The following MCM9 variants were observed in gnomAD, a reference collection of about 807,000 sequenced individuals.
MCM9 encodes the protein minichromosome maintenance 9 homologous recombination repair factor.
Under a neutral mutation model 72.8 loss-of-function variants are expected in MCM9, and 55 were observed. That is an observed-to-expected ratio of 0.76 (90% CI 0.61 to 0.95). The LOEUF (loss-of-function observed/expected upper bound fraction) is 0.95. Ranked by LOEUF, MCM9 falls within the 40% of genes least tolerant of loss-of-function variation. MCM9 has a pLI of 0.00. For synonymous variants in MCM9, 480 were observed against 503.4 expected (o/e 0.95, Z 0.62); for missense variants, 1,279 against 1,377.0 (o/e 0.93, Z 1.13).
At chr6:118,874,030 G>C (rs1777780152) in intron 8 of MCM9, among the ~76,000 whole-genome samples, 1 of 152,112 alleles carries the variant, frequency 6.6e-6, no homozygotes. Flanking sequence ...AAGGTGGGCG[G>C]ATTGCTTGAG....
intron 8 of MCM9, among the ~76,000 whole-genome samples, chr6:118,899,364 G>A (rs1426964693): frequency 6.6e-6 from 1 of 152,146 alleles, no homozygotes; most frequent in Non-Finnish European, 1.5e-5. Context: ...CATAGGGTTT[G>A]GTGCTTTCCT....
intron 3 of MCM9, among the ~76,000 whole-genome samples, chr6:118,930,345 C>T (rs1782308542): frequency 6.6e-6 from 1 of 152,126 alleles, no homozygotes; most frequent in Non-Finnish European, 1.5e-5. Flanking sequence ...ATTTCCTGAC[C>T]TTGCGATCTG....
intron 13 of MCM9, among the ~76,000 whole-genome samples, chr6:118,821,019 T>C (rs923577200): frequency 2.6e-5 from 4 of 152,182 alleles, no homozygotes; most frequent in African/African-American, 9.7e-5. Flanking sequence ...ATGTGTGTAT[T>C]TGCTCGTGAG....
At chr6:118,934,867 AAGG>A (rs1293806352) in intron 1 of MCM9, 21 bp downstream of exon 1, 1 of 152,408 alleles carries the variant, frequency 6.6e-6, no homozygotes, top group East Asian at 1.9e-4. Context: ...ATAACCGCGA[AAGG>A]AGGAGGCGGC....
intron 8 of MCM9, chr6:118,910,960 G>A (rs750439458): frequency 1.0e-6 from 1 of 985,326 alleles, no homozygotes; most frequent in Non-Finnish European, 1.2e-6. Flanking sequence ...TTTTTAAAAT[G>A]TGTGAAGCCA....
At chr6:118,849,297 G>A (rs1776078544) in intron 9 of MCM9, among the ~76,000 whole-genome samples, 1 of 151,766 alleles carries the variant, frequency 6.6e-6, no homozygotes, top group African/African-American at 2.4e-5. Context: ...AATTACAAGA[G>A]ATGCAAAGAG....
Position 118,931,739 on chromosome 6 carries a change from C to CA in MCM9, c.-15-2_-15-1insT. 6.5e-7 allele frequency: 1 copy of CA among 1,545,194 alleles called. No individual in the cohort carries two copies. Among genetic ancestry groups the CA allele is most frequent in the Non-Finnish European group, 8.7e-7 (1 of 1,146,970 alleles). ...CGCTATTCATCTTGAATCTAGGTAACTAAAGAAAAAAAAAAGGATCATATT... is the reference window on the plus strand; with the variant it reads ...CGCTATTCATCTTGAATCTAGGTAACATAAAGAAAAAAAAAAGGATCATATT... On this transcript the variant is annotated splice_acceptor_variant, in intron 2 of 13. Transcript: ENST00000619706. LOFTEE classifies it low-confidence loss of function (5UTR_SPLICE).
chr6:118,910,663 T>TA (rs1780477183), intron 8 of MCM9: 12 of 985,438 alleles, frequency 1.2e-5, no homozygotes, highest in Non-Finnish European at 1.4e-5. Context: ...CACTGGGTCA[T>TA]ACGGATTTAA....
At position 118,924,327 on chromosome 6, in the gene MCM9, GT is replaced by G. The variant is rs201140569; in HGVS notation, c.305-201del. Among the ~76,000 whole-genome samples, 1,010 of 151,608 alleles carry G rather than the reference GT, an allele frequency of 6.7e-3. 7 individuals carry two copies. The highest frequency in any genetic ancestry group is 0.022 in the African/African-American group (927 of 41,344). The stretch of plus-strand genomic sequence containing the variant: ...ATTGCAAATAACAGTTATCAGTAGA[GT>G]TTTTTTTTAATCCAGATACTGCACA... On this transcript the variant is annotated intron_variant, in intron 3 of 13. Coordinates refer to ENST00000619706, the MANE Select transcript of MCM9 (RefSeq NM_017696.3).
intron 9 of MCM9, among the ~76,000 whole-genome samples, chr6:118,831,697 G>A (rs143754954): frequency 8.5e-5 from 13 of 152,248 alleles, no homozygotes; most frequent in South Asian, 2.1e-4. Context: ...TATACAGTGC[G>A]TAGTAGTGGC....
intron 8 of MCM9, chr6:118,894,324 G>T (rs1779190677): frequency 1.3e-5 from 20 of 1,514,928 alleles, no homozygotes; most frequent in South Asian, 1.1e-4. Context: ...GCGCTGGAGC[G>T]GGGGTCTGCG....
At chr6:118,828,997 G>T (rs1313379287) in intron 10 of MCM9, 51 bp downstream of exon 10, 37 of 1,505,974 alleles carry the variant, frequency 2.5e-5, no homozygotes, top group Non-Finnish European at 3.0e-5. Context: ...ATTTCTTTTA[G>T]TTACAGCTAA....
chr6:118,824,695 A>G (rs1490271704), intron 13 of MCM9, among the ~76,000 whole-genome samples: 4 of 152,226 alleles, frequency 2.6e-5, no homozygotes, highest in African/African-American at 9.6e-5. Flanking sequence ...TGATAAAACT[A>G]TAAATGGTTT....
chr6:118,889,639 G>A (rs1443624030), intron 8 of MCM9, among the ~76,000 whole-genome samples: 4 of 152,068 alleles, frequency 2.6e-5, no homozygotes, highest in East Asian at 1.9e-4. Context: ...ATTGATAAGA[G>A]GACTAAGAAG....
chr6:118,916,970 G>T (rs932798492), intron 6 of MCM9, among the ~76,000 whole-genome samples: 1 of 152,172 alleles, frequency 6.6e-6, no homozygotes, highest in Non-Finnish European at 1.5e-5. Context: ...ACAGGCACTT[G>T]AAGATTTAAT....
intron 9 of MCM9, 23 bp downstream of exon 9, chr6:118,856,348 A>G: frequency 6.6e-7 from 1 of 1,523,822 alleles, no homozygotes; most frequent in Non-Finnish European, 8.8e-7. Context: ...CATTATTCCC[A>G]TAGATTTTAA....
chr6:118,828,995 T>C, intron 10 of MCM9, 53 bp downstream of exon 10: 1 of 1,494,822 alleles, frequency 6.7e-7, no homozygotes, highest in East Asian at 2.5e-5. Flanking sequence ...GAATTTCTTT[T>C]AGTTACAGCT....
chr6:118,926,557 A>G (rs1781910854), intron 3 of MCM9, among the ~76,000 whole-genome samples: 1 of 152,204 alleles, frequency 6.6e-6, no homozygotes, highest in Non-Finnish European at 1.5e-5. Flanking sequence ...ATCTGGCTTT[A>G]TTTACTTAGA....
In MCM9 at chr6:118,856,509, C is replaced by A. The variant is rs1443169294; in HGVS notation, c.1187G>T (p.Trp396Leu). The A allele has an allele frequency of 6.5e-7, 1 of 1,535,634 alleles. No individual in the cohort carries two copies. Among genetic ancestry groups the A allele is most frequent in the Non-Finnish European group, 8.7e-7 (1 of 1,146,894 alleles). ...TVTAVKDSGE[W>L]NLEAGALVLA... ...AACTAATGCCCCAGCCTCCAAATTC[C>A]ATTCTCCTGAGTCTTTTACAGCAGT... Residue 396 changes from tryptophan (W) to leucine (L), a missense_variant, in exon 9 of 14, where the codon TGG becomes TTG. Physicochemically the swap from Trp to Leu is moderately conservative, Grantham distance 61. Coordinates refer to ENST00000619706, the MANE Select transcript of MCM9 (RefSeq NM_017696.3).
Sources: allele counts gnomAD v4.1 joint callset (sites outside exome capture counted in the v4.1 genomes callset), GRCh38; gene constraint gnomAD v4.1.1; transcripts MANE v1.5; gene names NCBI Gene and HGNC (gene_info 2026-07-23, HGNC 2026-07-21).